CNTN5: variants seen among roughly 807,000 people sequenced by gnomAD.
The protein encoded by CNTN5 is contactin 5.
In CNTN5, 77 loss-of-function variants were observed where a neutral mutation model predicts 129.1. That is an observed-to-expected ratio of 0.60 (90% CI 0.50 to 0.72). The LOEUF (loss-of-function observed/expected upper bound fraction) is 0.72. Ranked by LOEUF, CNTN5 falls within the 30% of genes least tolerant of loss-of-function variation. The probability of loss-of-function intolerance (pLI) is 0.00; values close to 1 mark genes in which losing one functional copy is unlikely to be tolerated. For missense variants in CNTN5, 1,478 were observed against 1,328.8 expected (o/e 1.11, Z -1.75); for synonymous variants, 509 against 465.6 (o/e 1.09, Z -1.20).
intron 3 of CNTN5, among the ~76,000 whole-genome samples, chr11:99,697,381 A>T (rs1226017086): frequency 6.6e-6 from 1 of 151,668 alleles, no homozygotes; most frequent in Non-Finnish European, 1.5e-5. Context: ...AACAGTGATA[A>T]ATCATGCTGA....
chr11:99,650,704 T>C (rs1169037752), intron 3 of CNTN5, among the ~76,000 whole-genome samples: 3 of 151,954 alleles, frequency 2.0e-5, no homozygotes, highest in Non-Finnish European at 4.4e-5. Context: ...GTGATCCTTC[T>C]ACTACAAATG....
chr11:99,197,369 A>G (rs889903113), intron 1 of CNTN5, among the ~76,000 whole-genome samples: 14 of 151,796 alleles, frequency 9.2e-5, no homozygotes, highest in African/African-American at 2.7e-4. Context: ...TACACACCCA[A>G]CTCTTAGGAT....
At chr11:100,352,484 A>C (rs1952439417) in intron 24 of CNTN5, among the ~76,000 whole-genome samples, 1 of 151,774 alleles carries the variant, frequency 6.6e-6, no homozygotes. Context: ...TGTTTCAAAA[A>C]AATGTATATA....
chr11:99,989,734 C>T (rs1306609273), intron 8 of CNTN5, among the ~76,000 whole-genome samples: 1 of 151,710 alleles, frequency 6.6e-6, no homozygotes, highest in Non-Finnish European at 1.5e-5. Context: ...AATATTTAAC[C>T]CTTTGTTATA....
intron 3 of CNTN5, among the ~76,000 whole-genome samples, chr11:99,799,515 T>C (rs1946049767): frequency 6.6e-6 from 1 of 152,072 alleles, no homozygotes. Flanking sequence ...CATGTCGTTT[T>C]TGTTTTTAAT....
intron 15 of CNTN5, among the ~76,000 whole-genome samples, chr11:100,215,449 G>C (rs749461288): frequency 3.5e-4 from 54 of 152,126 alleles, no homozygotes; most frequent in Non-Finnish European, 2.8e-4. Flanking sequence ...AGGCCGAACA[G>C]ATTCTTTGTA....
intron 9 of CNTN5, chr11:100,003,945 T>A (rs1264008598): frequency 6.6e-6 from 1 of 152,196 alleles, no homozygotes; most frequent in Admixed American, 6.5e-5. Context: ...TAAAGACCAA[T>A]CTGCCACCCT....
intron 3 of CNTN5, among the ~76,000 whole-genome samples, chr11:99,777,075 C>T (rs1264072850): frequency 6.6e-6 from 1 of 151,564 alleles, no homozygotes; most frequent in African/African-American, 2.4e-5. Flanking sequence ...ATTCTACTTC[C>T]CAAGTAGCCA....
chr11:100,135,673 GAGT>G (rs1252912197), intron 13 of CNTN5, among the ~76,000 whole-genome samples: 1 of 152,090 alleles, frequency 6.6e-6, no homozygotes, highest in Non-Finnish European at 1.5e-5. Context: ...CTTACACAAA[GAGT>G]AAAATCACCA....
intron 1 of CNTN5, among the ~76,000 whole-genome samples, chr11:99,291,198 A>G (rs1462889156): frequency 6.6e-6 from 1 of 151,988 alleles, no homozygotes; most frequent in Non-Finnish European, 1.5e-5. Flanking sequence ...CCATATTTGG[A>G]TAAATACACT....
intron 1 of CNTN5, among the ~76,000 whole-genome samples, chr11:99,258,988 T>C (rs1862506857): frequency 6.6e-6 from 1 of 151,768 alleles, no homozygotes; most frequent in Admixed American, 6.6e-5. Context: ...AGCTAGAGAG[T>C]AATAGGCCAA....
intron 3 of CNTN5, among the ~76,000 whole-genome samples, chr11:99,627,279 A>AG (rs1248278628): frequency 2.0e-5 from 3 of 152,014 alleles, no homozygotes; most frequent in Non-Finnish European, 4.4e-5. Context: ...CTGTTTCTCC[A>AG]TATTGAACAT....
chr11:99,953,769 A>G (rs1950731077), intron 7 of CNTN5, among the ~76,000 whole-genome samples: 1 of 152,202 alleles, frequency 6.6e-6, no homozygotes. Flanking sequence ...TTCCCCAATG[A>G]GAAACCAAAA....
chr11:99,893,365 G>A (rs1255503791), intron 6 of CNTN5, among the ~76,000 whole-genome samples: 1 of 152,014 alleles, frequency 6.6e-6, no homozygotes, highest in Non-Finnish European at 1.5e-5. Flanking sequence ...GGACAACTTG[G>A]ACTACCACAT....
intron 1 of CNTN5, among the ~76,000 whole-genome samples, chr11:99,249,878 C>A (rs557984388): frequency 1.3e-5 from 2 of 151,964 alleles, no homozygotes; most frequent in East Asian, 3.9e-4. Flanking sequence ...AAATAATAAT[C>A]CACAAATAGA....
At chr11:99,770,482 C>T (rs549763782) in intron 3 of CNTN5, among the ~76,000 whole-genome samples, 44 of 152,012 alleles carry the variant, frequency 2.9e-4, no homozygotes, top group African/African-American at 9.9e-4. Flanking sequence ...TTAACATGTT[C>T]TGGAATAACT....
rs139045147 is a variant in CNTN5, at chr11:99,590,051, G to C, written c.55+33782G>C. Among the ~76,000 whole-genome samples the C allele has an allele frequency of 2.2e-4, 34 of 152,224 alleles. No individual in the cohort carries two copies. The Middle Eastern group carries it at 0.01, about 46-fold the overall frequency. ...CCAGTCCTTGAGAGATGAACTTCAG[G>C]TATAGAGGAGGAAGGATCATCCAGA... On this transcript the variant is annotated intron_variant, in intron 3 of 24. Transcript: ENST00000524871.
chr11:99,983,701 A>G (rs1938494736), intron 8 of CNTN5, among the ~76,000 whole-genome samples: 1 of 152,206 alleles, frequency 6.6e-6, no homozygotes, highest in South Asian at 2.1e-4. Flanking sequence ...AATGAAAGCC[A>G]AATAGATATG....
chr11:99,634,816 G>C (rs1565372109), intron 3 of CNTN5, among the ~76,000 whole-genome samples: 3 of 152,150 alleles, frequency 2.0e-5, no homozygotes, highest in Non-Finnish European at 2.9e-5. Flanking sequence ...AAGTAGGCAA[G>C]ATGACAGCTC....
Sources: allele counts gnomAD v4.1 joint callset (sites outside exome capture counted in the v4.1 genomes callset), GRCh38; gene constraint gnomAD v4.1.1; transcripts MANE v1.5; gene names NCBI Gene and HGNC (gene_info 2026-07-23, HGNC 2026-07-21).